EXOC6: variants seen among roughly 807,000 people sequenced by gnomAD.
EXOC6 encodes SEC15-like 1.
Under a neutral mutation model 112.5 loss-of-function variants are expected in EXOC6, and 60 were observed. The ratio of observed to expected loss-of-function variants is 0.53; its 90% CI spans 0.43 to 0.66. EXOC6 has a LOEUF of 0.66. Ranked by LOEUF, EXOC6 falls within the 30% of genes least tolerant of loss-of-function variation. The probability of loss-of-function intolerance (pLI) is 0.00; values close to 1 mark genes in which losing one functional copy is unlikely to be tolerated. For missense variants in EXOC6, 855 were observed against 957.1 expected, an observed-to-expected ratio of 0.89 and a Z score of 1.41; for synonymous variants, 295 against 308.0, an observed-to-expected ratio of 0.96 and a Z score of 0.44.
intron 18 of EXOC6, among the ~76,000 whole-genome samples, chr10:92,993,752 A>G (rs1843364331): frequency 6.6e-6 from 1 of 152,216 alleles, no homozygotes; most frequent in South Asian, 2.1e-4. Context: ...CTTGACATAC[A>G]AGCAGATGTG....
At chr10:92,897,843 C>G (rs1402238902) in intron 4 of EXOC6, among the ~76,000 whole-genome samples, 1 of 152,162 alleles carries the variant, frequency 6.6e-6, no homozygotes, top group Admixed American at 6.5e-5. Flanking sequence ...CCTTACCAGA[C>G]TGAACCAATA....
At chr10:92,870,422 A>C (rs1848393683) in intron 1 of EXOC6, among the ~76,000 whole-genome samples, 2 of 152,198 alleles carry the variant, frequency 1.3e-5, no homozygotes, top group African/African-American at 4.8e-5. Flanking sequence ...GTATGATTGA[A>C]TTTATTAATG....
intron 7 of EXOC6, among the ~76,000 whole-genome samples, chr10:92,917,919 A>AG (rs1851198608): frequency 6.6e-6 from 1 of 152,240 alleles, no homozygotes; most frequent in Admixed American, 6.5e-5. Context: ...TGGGAGGCCG[A>AG]GGGGGGCAGA....
chr10:92,988,733 G>A (rs2134147400), intron 18 of EXOC6, among the ~76,000 whole-genome samples: 1 of 152,056 alleles, frequency 6.6e-6, no homozygotes, highest in East Asian at 1.9e-4. Flanking sequence ...GCCGAGGCAG[G>A]TGGATCACTT....
At chr10:93,039,743 C>G (rs1845675870) in intron 20 of EXOC6, among the ~76,000 whole-genome samples, 1 of 152,188 alleles carries the variant, frequency 6.6e-6, no homozygotes, top group African/African-American at 2.4e-5. Flanking sequence ...GTTTCATTCA[C>G]TCCTTGTTTT....
chr10:92,973,906 G>GAA, intron 17 of EXOC6, 147 bp from the exon 18 acceptor site: 80 of 569,502 alleles, frequency 1.4e-4, no homozygotes, highest in South Asian at 2.8e-4. Flanking sequence ...AGTACTGCCA[G>GAA]AAAAAAAAAA....
chr10:92,860,265 C>CTTTTTT (rs35900396), intron 1 of EXOC6, among the ~76,000 whole-genome samples: 12 of 88,018 alleles, frequency 1.4e-4, no homozygotes, highest in Non-Finnish European at 2.1e-4. Context: ...ATCTCCACAA[C>CTTTTTT]TTTTTTTTTT....
intron 18 of EXOC6, among the ~76,000 whole-genome samples, chr10:92,981,405 T>A (rs1786012238): frequency 6.6e-6 from 1 of 152,240 alleles, no homozygotes; most frequent in African/African-American, 2.4e-5. Context: ...GTACTCATTT[T>A]AATGAAGGTA....
intron 4 of EXOC6, among the ~76,000 whole-genome samples, chr10:92,898,269 TA>T (rs34350548): frequency 1.4e-4 from 20 of 145,832 alleles, no homozygotes; most frequent in Non-Finnish European, 1.7e-4. Flanking sequence ...AAATTAAAAT[TA>T]AAAAAAAAAA....
intron 17 of EXOC6, among the ~76,000 whole-genome samples, chr10:92,958,388 C>A (rs1324028879): frequency 1.3e-5 from 2 of 152,218 alleles, no homozygotes; most frequent in Admixed American, 6.5e-5. Flanking sequence ...GCTTTTCCAG[C>A]CTGCTACTCT....
At position 92,848,606 on chromosome 10, in the gene EXOC6, G is replaced by T; in HGVS notation, c.73G>T (p.Asp25Tyr). Reference sequence around the variant, plus strand: ...GATCTTGCAGGAGATCGAGAGCACCGACACCGCCTGTGTGGGGCCCACCCT... The same window carrying T: ...GATCTTGCAGGAGATCGAGAGCACCTACACCGCCTGTGTGGGGCCCACCCT... ...ERILQEIEST[D>Y]TACVGPTLRS... Residue 25 changes from aspartate to tyrosine, a missense_variant, in exon 1 of 22, where the codon GAC becomes TAC. Physicochemically the swap from Asp to Tyr is radical, Grantham distance 160. Coordinates refer to ENST00000260762, the MANE Select transcript of EXOC6 (RefSeq NM_019053.6). 1.4e-6 allele frequency: 2 copies of T among 1,448,106 alleles called. No individual in the cohort carries two copies. Among genetic ancestry groups the T allele is most frequent in the Non-Finnish European group, 9.2e-7 (1 of 1,083,520 alleles). 89.7% of individuals were successfully genotyped at this position (1,448,106 alleles called of 1,614,324 possible).
At chr10:92,967,848 G>A (rs772344894) in intron 17 of EXOC6, among the ~76,000 whole-genome samples, 3 of 152,186 alleles carry the variant, frequency 2.0e-5, no homozygotes, top group Non-Finnish European at 4.4e-5. Context: ...CTCTTATCCA[G>A]CTGCCTTCTG....
chr10:92,929,734 T>G (rs1851923102), intron 9 of EXOC6, among the ~76,000 whole-genome samples: 1 of 152,152 alleles, frequency 6.6e-6, no homozygotes, highest in South Asian at 2.1e-4. Context: ...ATGAATAGGT[T>G]TAACAGTTGA....
intron 18 of EXOC6, among the ~76,000 whole-genome samples, chr10:92,991,329 G>A (rs1589989360): frequency 6.6e-6 from 1 of 151,590 alleles, no homozygotes; most frequent in African/African-American, 2.4e-5. Context: ...ACAGCTACTC[G>A]GGAGGCTGAG....
rs900883486 is a variant in EXOC6, at chr10:93,050,041, TA to T, written c.2170-6872del. ...ACTGTATGGTACATCTCAAAGCTGT[TA>T]AAAAAAAAAATTTTAAAGTTATATA... On this transcript the variant is annotated intron_variant, in intron 20 of 21. Transcript: ENST00000260762. 7.7e-3 allele frequency among the ~76,000 whole-genome samples: 1,157 copies of T among 150,422 alleles called. 15 individuals carry two copies. Among genetic ancestry groups the T allele is most frequent in the African/African-American group, 0.024 (982 of 41,206 alleles).
At chr10:92,915,691 A>T (rs1851043723) in intron 6 of EXOC6, 67 bp from the exon 7 acceptor site, 3 of 1,245,142 alleles carry the variant, frequency 2.4e-6, no homozygotes, top group Non-Finnish European at 3.2e-6. Flanking sequence ...CTATGAACAA[A>T]TTTTTTGAAC....
At chr10:92,843,930 C>T (rs1420576271), upstream of EXOC6, among the ~76,000 whole-genome samples, 2 of 140,422 alleles carry the variant, frequency 1.4e-5, no homozygotes, top group East Asian at 2.0e-4. Context: ...TGAGCCGAGA[C>T]TGCACCACCG....
intron 20 of EXOC6, among the ~76,000 whole-genome samples, chr10:93,049,944 AATTG>A (rs1846202305): frequency 6.6e-6 from 1 of 152,138 alleles, no homozygotes; most frequent in Non-Finnish European, 1.5e-5. Flanking sequence ...GGGGCTCTAA[AATTG>A]ATTGAGATGG....
intron 19 of EXOC6, among the ~76,000 whole-genome samples, chr10:93,010,817 T>C (rs924055024): frequency 1.3e-5 from 2 of 152,112 alleles, no homozygotes; most frequent in African/African-American, 4.8e-5. Context: ...ATCCATCATC[T>C]GCATGCCCTA....
Sources: gnomAD v4.1 joint callset for allele counts (sites outside exome capture counted in the v4.1 genomes callset) on GRCh38, gnomAD v4.1.1 for gene constraint, MANE v1.5 for transcripts, NCBI Gene and HGNC (gene_info 2026-07-23, HGNC 2026-07-21) for gene names.